The following SLCO4A1 variants were observed in gnomAD, a reference collection of about 807,000 sequenced individuals.
SLCO4A1 encodes the protein colon organic anion transporter.
Under a neutral mutation model 64.6 loss-of-function variants are expected in SLCO4A1, and 51 were observed. That is an observed-to-expected ratio of 0.79 (90% CI 0.63 to 1.00). SLCO4A1 has a LOEUF of 1.00. SLCO4A1 is among the 50% of genes least tolerant of loss of function. SLCO4A1 has a pLI of 0.00. For missense variants in SLCO4A1, 919 were observed against 980.5 expected (o/e 0.94, Z 0.84); for synonymous variants, 471 against 444.9 (o/e 1.06, Z -0.74).
At chr20:62,653,261 G>C (rs1308979434) in intron 1 of SLCO4A1, among the ~76,000 whole-genome samples, 2 of 152,300 alleles carry the variant, frequency 1.3e-5, no homozygotes, top group African/African-American at 4.8e-5. Flanking sequence ...AGGACCCAGA[G>C]CCCAGCTTTG....
At chr20:62,654,407 C>T (rs1284651008) in intron 1 of SLCO4A1, among the ~76,000 whole-genome samples, 1 of 152,220 alleles carries the variant, frequency 6.6e-6, no homozygotes, top group Non-Finnish European at 1.5e-5. Context: ...CCCACCCCAG[C>T]CCCAGCGCAG....
At chr20:62,681,868 T>C (rs1284454930) in intron 2 of SLCO4A1, among the ~76,000 whole-genome samples, 1 of 128,446 alleles carries the variant, frequency 7.8e-6, no homozygotes, top group African/African-American at 3.0e-5. Context: ...CTATTCACTT[T>C]ATCTGTTGCT....
At position 62,660,500 on chromosome 20, in the gene SLCO4A1, G is replaced by A. The variant is rs542794891; in HGVS notation, c.976G>A (p.Val326Ile). 1.3e-5 allele frequency: 21 copies of A among 1,605,616 alleles called. No individual in the cohort carries two copies. The highest frequency in any genetic ancestry group is 1.5e-5 in the Non-Finnish European group (18 of 1,179,934). The change falls in exon 4 of 12, where the codon GTT (valine) becomes ATT (isoleucine). Residue 326 changes from valine (V) to isoleucine (I), a missense_variant. Physicochemically the swap from Val to Ile is conservative, Grantham distance 29. Transcript: ENST00000217159. The stretch of plus-strand genomic sequence containing the variant: ...TGGGGCCGCTGCTTTCTTCACCGCC[G>A]TTCCCATCCTTGGTTACCCTCGGCA... ...GSGAAAFFTA[V>I]PILGYPRQLP...
chr20:62,666,408 C>T lies in SLCO4A1; in HGVS notation c.1305C>T (p.Gly435=), dbSNP rs147729895. The T allele has an allele frequency of 1.9e-5, 31 of 1,612,900 alleles. No homozygotes were observed. In the Middle Eastern group the frequency reaches 6.6e-4, roughly 34 times the overall value. The change falls in exon 7 of 12, where the codon GGC becomes GGT. Residue 435 remains glycine (G), a synonymous_variant. Transcript: ENST00000217159. The stretch of plus-strand genomic sequence containing the variant: ...ACCTGGTGGTGCCAGCGGGTGGTGG[C>T]GGCACCTTCCTGGGCGGCTTCTTTG... ...FGYLVVPAGG[G]GTFLGGFFVN...
intron 4 of SLCO4A1, 65 bp downstream of exon 4, chr20:62,660,598 G>T: frequency 6.4e-7 from 1 of 1,553,938 alleles, no homozygotes; most frequent in Non-Finnish European, 8.8e-7. Flanking sequence ...TCGCGAAGGG[G>T]GCACCCCGTT....
rs546396067 is a variant in SLCO4A1 at position 62,661,877 on chromosome 20, C to T, written c.1121+702C>T. On this transcript the variant is annotated intron_variant, in intron 5 of 11. Coordinates refer to ENST00000217159, the MANE Select transcript of SLCO4A1 (RefSeq NM_016354.4). The surrounding 1 kb of genome is among the most constrained non-coding windows in gnomAD (Gnocchi z 5.2). ...GGGTCCTAGAGGGACAACAGAGGGG[C>T]CCGGGCCCTCCCGGCCTCTCCTGGG... 2.7e-3 allele frequency among the ~76,000 whole-genome samples: 416 copies of T among 152,022 alleles called. 1 individual carries two copies. The highest frequency in any genetic ancestry group is 9.4e-3 in the African/African-American group (391 of 41,478).
chr20:62,667,653 A>G, intron 7 of SLCO4A1, 92 bp from the exon 8 acceptor site: 3 of 1,450,460 alleles, frequency 2.1e-6, no homozygotes, highest in Non-Finnish European at 2.8e-6. Flanking sequence ...TGCAGGCTGC[A>G]TGGGGACGAG....
intron 6 of SLCO4A1, 96 bp downstream of exon 6, chr20:62,665,184 C>G: frequency 7.1e-7 from 1 of 1,400,338 alleles, no homozygotes. Context: ...AGACAGGGCA[C>G]ATGGCAGTGA....
downstream of SLCO4A1, among the ~76,000 whole-genome samples, chr20:62,675,978 G>A (rs998240473): frequency 1.3e-5 from 2 of 152,158 alleles, no homozygotes; most frequent in African/African-American, 4.8e-5. Flanking sequence ...GATTTTCCAC[G>A]GCTGCTGGGA....
At chr20:62,652,423 GC>G (rs930547091) in intron 1 of SLCO4A1, among the ~76,000 whole-genome samples, 4 of 152,290 alleles carry the variant, frequency 2.6e-5, no homozygotes, top group Admixed American at 1.3e-4. Flanking sequence ...GCGGCCGGCG[GC>G]CGGTGGAGCC....
intron 6 of SLCO4A1, chr20:62,665,304 C>A: frequency 1.8e-6 from 1 of 553,728 alleles, no homozygotes; most frequent in Non-Finnish European, 3.1e-6. Context: ...GTGGGACATG[C>A]TCCGTAGGTG....
downstream of SLCO4A1, among the ~76,000 whole-genome samples, chr20:62,686,474 G>A (rs751331131): frequency 1.3e-5 from 2 of 152,184 alleles, no homozygotes; most frequent in Non-Finnish European, 2.9e-5. Context: ...AGACACTGGC[G>A]CCAGGAGCGG....
intron 1 of SLCO4A1, among the ~76,000 whole-genome samples, chr20:62,655,558 G>C (rs2147074835): frequency 6.6e-6 from 1 of 152,320 alleles, no homozygotes; most frequent in South Asian, 2.1e-4. Flanking sequence ...GCCTCGGGAT[G>C]GTGGGGAACA....
intron 2 of SLCO4A1, among the ~76,000 whole-genome samples, chr20:62,657,603 G>A (rs984950843): frequency 3.3e-5 from 5 of 152,234 alleles, no homozygotes; most frequent in African/African-American, 7.2e-5. Flanking sequence ...CTCATGCTCC[G>A]GCTGGGAACC....
chr20:62,644,955 G>A lies in SLCO4A1; in HGVS notation c.-97+2402G>A, dbSNP rs1394901483. Among the ~76,000 whole-genome samples the A allele has an allele frequency of 2.0e-5, 3 of 152,238 alleles. No individual in the cohort carries two copies. Among genetic ancestry groups the A allele is most frequent in the African/African-American group, 4.8e-5 (2 of 41,460 alleles). On this transcript the variant is annotated intron_variant, in intron 1 of 11. Transcript: ENST00000217159. The surrounding 1 kb of genome is among the most constrained non-coding windows in gnomAD (Gnocchi z 5.4). ...GGCCAGCCCTCCTGCTTCCTCAAGC[G>A]GGCTGTGGACAGAGGCCACAAAACG... is the stretch of plus-strand genomic sequence containing the variant.
chr20:62,690,703 C>T (rs1384802444), downstream of SLCO4A1, among the ~76,000 whole-genome samples: 2 of 152,226 alleles, frequency 1.3e-5, no homozygotes, highest in African/African-American at 4.8e-5. Context: ...GGCAGAGAAC[C>T]GCAATTCAAT....
rs764008916 is a variant in SLCO4A1, at chr20:62,667,918, G to A, written c.1638+8G>A. 3.7e-6 allele frequency: 6 copies of A among 1,613,986 alleles called. No individual in the cohort carries two copies. The highest frequency in any genetic ancestry group is 5.1e-6 in the Non-Finnish European group (6 of 1,180,042). On this transcript the variant is annotated splice_region_variant and intron_variant, in intron 8 of 11. Coordinates refer to ENST00000217159, the MANE Select transcript of SLCO4A1 (RefSeq NM_016354.4). ...AATGTGGACGGCCAGAAGGTGAGTGGAGCCGCTGCCTACCGCCCCTGTCCT... is the reference window on the plus strand; with the variant it reads ...AATGTGGACGGCCAGAAGGTGAGTGAAGCCGCTGCCTACCGCCCCTGTCCT...
At chr20:62,658,389 T>A (rs1984142069) in intron 2 of SLCO4A1, among the ~76,000 whole-genome samples, 1 of 152,256 alleles carries the variant, frequency 6.6e-6, no homozygotes, top group Admixed American at 6.5e-5. Flanking sequence ...TGTCCATCTG[T>A]GCGGCTACTT....
intron 4 of SLCO4A1, among the ~76,000 whole-genome samples, 155 bp downstream of exon 4, chr20:62,660,688 A>G (rs529943773): frequency 3.7e-4 from 56 of 152,168 alleles, no homozygotes; most frequent in African/African-American, 1.3e-3. Flanking sequence ...CTGGGTGGAG[A>G]GACGCCTCCT....
Sources: allele counts gnomAD v4.1 joint callset (sites outside exome capture counted in the v4.1 genomes callset), GRCh38; gene constraint gnomAD v4.1.1; non-coding constraint Gnocchi (gnomAD v3.1); transcripts MANE v1.5; gene names NCBI Gene and HGNC (gene_info 2026-07-23, HGNC 2026-07-21).